The following DENND1A variants were observed in gnomAD, a reference collection of about 807,000 sequenced individuals.
DENND1A encodes the protein DENN domain containing 1A.
In DENND1A, 51 loss-of-function variants were observed where a neutral mutation model predicts 113.7. The ratio of observed to expected loss-of-function variants is 0.45; its 90% CI spans 0.36 to 0.57. The LOEUF (loss-of-function observed/expected upper bound fraction) is 0.57, where lower values mean the gene tolerates loss of function less well. Among genes scored for constraint, DENND1A ranks in the 20% least tolerant of loss-of-function variants. DENND1A has a pLI of 0.00. For synonymous variants in DENND1A, 565 were observed against 570.8 expected (o/e 0.99, Z 0.14); for missense variants, 1,258 against 1,395.9 (o/e 0.90, Z 1.57).
chr9:123,609,280 G>A (rs868156897), intron 11 of DENND1A, among the ~76,000 whole-genome samples, 156 bp downstream of exon 11: 6 of 152,142 alleles, frequency 3.9e-5, no homozygotes, highest in Admixed American at 6.5e-5. Flanking sequence ...AGTGCACGGC[G>A]TCCAAACCGA....
chr9:123,460,512 A>C (rs146588414), intron 13 of DENND1A, among the ~76,000 whole-genome samples: 4 of 152,352 alleles, frequency 2.6e-5, no homozygotes, highest in South Asian at 2.1e-4. Context: ...AACTCAAAAT[A>C]GCCTGAAACT....
chr9:123,812,976 G>C (rs1836872708), intron 2 of DENND1A, among the ~76,000 whole-genome samples: 1 of 152,004 alleles, frequency 6.6e-6, no homozygotes, highest in African/African-American at 2.4e-5. Context: ...TTTTGGAAAG[G>C]GTCTCACTCT....
chr9:123,489,031 C>A (rs1388813813), intron 13 of DENND1A, among the ~76,000 whole-genome samples: 1 of 152,152 alleles, frequency 6.6e-6, no homozygotes, highest in African/African-American at 2.4e-5. Flanking sequence ...TTCCCCTCTG[C>A]CCTATGCCAG....
intron 20 of DENND1A, among the ~76,000 whole-genome samples, chr9:123,407,459 C>T (rs1229406519): frequency 1.3e-5 from 2 of 151,776 alleles, no homozygotes; most frequent in African/African-American, 4.8e-5. Context: ...CACACACACC[C>T]CCTCACACAC....
chr9:123,401,792 G>T (rs777805334), intron 21 of DENND1A: 1 of 1,614,196 alleles, frequency 6.2e-7, no homozygotes, highest in East Asian at 2.2e-5. Context: ...GCCCAGTCTG[G>T]AAAAGCAACG....
intron 13 of DENND1A, 66 bp downstream of exon 13, chr9:123,557,504 G>T: frequency 1.3e-6 from 2 of 1,571,918 alleles, no homozygotes; most frequent in Non-Finnish European, 1.7e-6. Context: ...CATTTCTTGT[G>T]GCCCCTGAGG....
At chr9:123,684,313 C>T (rs560779959) in intron 5 of DENND1A, among the ~76,000 whole-genome samples, 10 of 152,136 alleles carry the variant, frequency 6.6e-5, no homozygotes, top group Non-Finnish European at 8.8e-5. Flanking sequence ...CTCTTCTGTC[C>T]CTCTCTTCAG....
At chr9:123,763,454 T>C (rs1454304214) in intron 4 of DENND1A, among the ~76,000 whole-genome samples, 1 of 152,190 alleles carries the variant, frequency 6.6e-6, no homozygotes, top group East Asian at 1.9e-4. Context: ...GAGTTCCATT[T>C]GGGATATGTT....
Position 123,903,201 on chromosome 9 carries a change from G to A in DENND1A, c.18-24180C>T, listed in dbSNP as rs983967044. Among the ~76,000 whole-genome samples, 327 of 150,114 alleles carry A rather than the reference G, an allele frequency of 2.2e-3. 1 individual carries two copies. The highest frequency in any genetic ancestry group is 7.3e-3 in the African/African-American group (297 of 40,952). The stretch of plus-strand genomic sequence containing the variant: ...CAAAAAATTAGCCGGGCATAGTGGC[G>A]GGCGCCTGTAGTCCCAGCTACTTGG... On this transcript the variant is annotated intron_variant, in intron 1 of 23. Coordinates refer to ENST00000394215, the MANE Select transcript of DENND1A (RefSeq NM_001352964.2).
chr9:123,469,011 C>T (rs1318426116), intron 13 of DENND1A, among the ~76,000 whole-genome samples: 2 of 152,236 alleles, frequency 1.3e-5, no homozygotes, highest in African/African-American at 4.8e-5. Context: ...TGAGCCCACA[C>T]ACACTCCTTC....
intron 22 of DENND1A, among the ~76,000 whole-genome samples, chr9:123,384,501 T>TC (rs1488135759): frequency 6.6e-6 from 1 of 152,214 alleles, no homozygotes; most frequent in Non-Finnish European, 1.5e-5. Context: ...CCTCAGGTGC[T>TC]CAGGTGGTGG....
At chr9:123,656,186 C>T (rs1456692686) in intron 8 of DENND1A, among the ~76,000 whole-genome samples, 3 of 151,564 alleles carry the variant, frequency 2.0e-5, no homozygotes, top group East Asian at 1.9e-4. Context: ...ATATTCCAGG[C>T]AGAGGCAAAG....
At chr9:123,490,757 A>G (rs1039790057) in intron 13 of DENND1A, among the ~76,000 whole-genome samples, 9 of 152,136 alleles carry the variant, frequency 5.9e-5, no homozygotes, top group African/African-American at 2.2e-4. Context: ...CTTAATCAAT[A>G]TAGAAAATTA....
In DENND1A at chr9:123,902,983, A is replaced by C. The variant is rs553386661; in HGVS notation, c.18-23962T>G. ...TAGTATAACATGACCAAGTGGGTTT[A>C]TCCCAGGAATGCAAGGCTGGTTTAA... On this transcript the variant is annotated intron_variant, in intron 1 of 23. Transcript: ENST00000394215. 9.8e-5 allele frequency among the ~76,000 whole-genome samples: 15 copies of C among 152,332 alleles called. No individual in the cohort carries two copies. The South Asian group carries it at 1.2e-3, about 13-fold the overall frequency.
chr9:123,652,927 T>C lies in DENND1A; in HGVS notation c.508-804A>G, dbSNP rs573335588. Among the ~76,000 whole-genome samples, 10 of 152,362 alleles carry C rather than the reference T, an allele frequency of 6.6e-5. No individual in the cohort carries two copies. The East Asian group carries it at 1.5e-3, about 24-fold the overall frequency. ...AAAAAAATGGAATGTGTTTCATTTA[T>C]ACAACGCTTTCTATACCCACCTGAC... On this transcript the variant is annotated intron_variant, in intron 8 of 23. Transcript: ENST00000394215.
At position 123,402,933 on chromosome 9, in the gene DENND1A, A is replaced by T. The variant is rs117203001; in HGVS notation, c.1631+469T>A. Among the ~76,000 whole-genome samples the T allele has an allele frequency of 9.7e-3, 1,482 of 152,302 alleles. 10 individuals are homozygous for T. Among genetic ancestry groups the T allele is most frequent in the Non-Finnish European group, 0.017 (1,152 of 68,022 alleles). On this transcript the variant is annotated intron_variant, in intron 21 of 23. Transcript: ENST00000394215. ...GGAGATGGGTAAGAAAAACCACAGT[A>T]ACATAAATCCTCCGGCACAGGTGGG...
intron 20 of DENND1A, among the ~76,000 whole-genome samples, chr9:123,409,189 T>C (rs1199487643): frequency 6.6e-6 from 1 of 152,136 alleles, no homozygotes; most frequent in Non-Finnish European, 1.5e-5. Flanking sequence ...GCTCAATGAA[T>C]ATTAATTCTC....
intron 13 of DENND1A, among the ~76,000 whole-genome samples, chr9:123,534,926 G>A (rs957830934): frequency 3.1e-4 from 47 of 151,970 alleles, no homozygotes; most frequent in Non-Finnish European, 7.4e-5. Flanking sequence ...TTGCTTTATA[G>A]TGACTATTTA....
intron 3 of DENND1A, among the ~76,000 whole-genome samples, chr9:123,784,099 G>A (rs1258158220): frequency 2.0e-5 from 3 of 152,262 alleles, no homozygotes; most frequent in African/African-American, 7.2e-5. Context: ...TACAGGAGAG[G>A]AAAAGCCAAG....
Sources: gnomAD v4.1 joint callset for allele counts (sites outside exome capture counted in the v4.1 genomes callset) on GRCh38, gnomAD v4.1.1 for gene constraint, MANE v1.5 for transcripts, NCBI Gene and HGNC (gene_info 2026-07-23, HGNC 2026-07-21) for gene names.